The following KCTD8 variants were observed in gnomAD, a reference collection of about 807,000 sequenced individuals.
KCTD8 encodes potassium channel tetramerization domain containing 8.
In KCTD8, 27 loss-of-function variants were observed where a neutral mutation model predicts 31.5. That is an observed-to-expected ratio of 0.86 (90% CI 0.63 to 1.18). The LOEUF (loss-of-function observed/expected upper bound fraction) is 1.18. KCTD8 is among the 50% of genes most tolerant of loss of function. KCTD8 has a pLI of 0.00. For synonymous variants in KCTD8, 290 were observed against 280.0 expected, an observed-to-expected ratio of 1.04 and a Z score of -0.36; for missense variants, 658 against 647.7, an observed-to-expected ratio of 1.02 and a Z score of -0.17.
intron 1 of KCTD8, among the ~76,000 whole-genome samples, chr4:44,241,891 TTATTGCTATAATAATAAA>T (rs1271053984): frequency 5.9e-5 from 9 of 152,268 alleles, no homozygotes; most frequent in Non-Finnish European, 1.0e-4. Context: ...TGCCTGCTCT[TTATTGCTATAATAATAAA>T]TATTGCTATA....
At chr4:44,264,578 C>T (rs537313430) in intron 1 of KCTD8, among the ~76,000 whole-genome samples, 60 of 152,270 alleles carry the variant, frequency 3.9e-4, no homozygotes, top group Admixed American at 7.8e-4. Flanking sequence ...CGAAGCAAGG[C>T]GAGGCATTGC....
At chr4:44,191,000 C>G (rs1713748531) in intron 1 of KCTD8, among the ~76,000 whole-genome samples, 1 of 152,152 alleles carries the variant, frequency 6.6e-6, no homozygotes, top group Non-Finnish European at 1.5e-5. Context: ...AACTCTAACA[C>G]TTAATGCTGT....
chr4:44,301,311 G>C (rs1322800821), intron 1 of KCTD8, among the ~76,000 whole-genome samples: 7 of 152,210 alleles, frequency 4.6e-5, no homozygotes, highest in South Asian at 2.1e-4. Context: ...CACAATGGTT[G>C]AACTAGTTTA....
chr4:44,260,059 G>C (rs979920661), intron 1 of KCTD8, among the ~76,000 whole-genome samples: 5 of 151,664 alleles, frequency 3.3e-5, no homozygotes, highest in African/African-American at 1.2e-4. Context: ...ACAATGAATT[G>C]TATACTAGTC....
intron 1 of KCTD8, among the ~76,000 whole-genome samples, chr4:44,202,151 G>C (rs1284391343): frequency 1.3e-5 from 2 of 152,116 alleles, no homozygotes; most frequent in African/African-American, 4.8e-5. Flanking sequence ...AGATGCTAAT[G>C]AGGCTGTGGA....
intron 1 of KCTD8, among the ~76,000 whole-genome samples, chr4:44,365,804 AG>A (rs1180429509): frequency 6.6e-6 from 1 of 152,184 alleles, no homozygotes; most frequent in Non-Finnish European, 1.5e-5. Context: ...ACCGGCAAAA[AG>A]ATTTATGTAC....
intron 1 of KCTD8, among the ~76,000 whole-genome samples, chr4:44,269,060 C>T (rs894861055): frequency 5.0e-4 from 76 of 152,060 alleles, no homozygotes; most frequent in Non-Finnish European, 9.7e-4. Context: ...CATATGGAAC[C>T]AAAAAAGAGC....
chr4:44,211,027 T>C (rs1577832951), intron 1 of KCTD8, among the ~76,000 whole-genome samples: 1 of 152,212 alleles, frequency 6.6e-6, no homozygotes, highest in Non-Finnish European at 1.5e-5. Flanking sequence ...GTGTTATATT[T>C]GACAAGGAGC....
chr4:44,276,054 A>C (rs371230084), intron 1 of KCTD8, among the ~76,000 whole-genome samples: 3 of 152,152 alleles, frequency 2.0e-5, no homozygotes, highest in African/African-American at 7.2e-5. Flanking sequence ...TGGTCCCAAA[A>C]GAGTGGCATC....
At chr4:44,324,328 C>T (rs1718387130) in intron 1 of KCTD8, among the ~76,000 whole-genome samples, 1 of 151,992 alleles carries the variant, frequency 6.6e-6, no homozygotes, top group South Asian at 2.1e-4. Flanking sequence ...TTCCATACTT[C>T]ATTTTATGAC....
At chr4:44,394,707 G>A (rs994971396) in intron 1 of KCTD8, among the ~76,000 whole-genome samples, 14 of 151,806 alleles carry the variant, frequency 9.2e-5, no homozygotes, top group Non-Finnish European at 1.9e-4. Flanking sequence ...TTACATCTAG[G>A]GATTTTGCTT....
chr4:44,441,732 T>C (rs1180291188), intron 1 of KCTD8, among the ~76,000 whole-genome samples: 1 of 152,182 alleles, frequency 6.6e-6, no homozygotes, highest in Non-Finnish European at 1.5e-5. Context: ...GGAACTAATG[T>C]CAAGCTCAAG....
intron 1 of KCTD8, among the ~76,000 whole-genome samples, chr4:44,221,413 T>C (rs980340605): frequency 1.3e-5 from 2 of 151,860 alleles, no homozygotes; most frequent in African/African-American, 4.8e-5. Flanking sequence ...TAGTCAGGGT[T>C]CTCTAGAGGG....
At chr4:44,356,595 TGCCGAGTAGCTGGTA>T (rs1719349354) in intron 1 of KCTD8, among the ~76,000 whole-genome samples, 2 of 152,244 alleles carry the variant, frequency 1.3e-5, no homozygotes, top group East Asian at 3.9e-4. Context: ...TGCCTCAGCC[TGCCGAGTAGCTGGTA>T]GCCGAGTAGC....
chr4:44,225,855 C>T (rs561733506), intron 1 of KCTD8, among the ~76,000 whole-genome samples: 2 of 121,130 alleles, frequency 1.7e-5, no homozygotes, highest in Admixed American at 2.1e-4. Flanking sequence ...GAGTCTTGCT[C>T]TGTCGCCCAG....
chr4:44,250,873 C>T (rs1486831181), intron 1 of KCTD8, among the ~76,000 whole-genome samples: 1 of 151,672 alleles, frequency 6.6e-6, no homozygotes, highest in Non-Finnish European at 1.5e-5. Flanking sequence ...TTTTCATTTA[C>T]TTAGTGTGTC....
At chr4:44,203,071 G>GA (rs765907919) in intron 1 of KCTD8, among the ~76,000 whole-genome samples, 5 of 152,094 alleles carry the variant, frequency 3.3e-5, no homozygotes, top group Non-Finnish European at 7.4e-5. Flanking sequence ...TTATGTCAAT[G>GA]AAAGACTTTA....
chr4:44,273,760 A>G (rs1018712313), intron 1 of KCTD8, among the ~76,000 whole-genome samples: 5 of 151,948 alleles, frequency 3.3e-5, no homozygotes, highest in African/African-American at 1.2e-4. Context: ...AGTTAAGCCA[A>G]ATAATCTGGA....
At chr4:44,301,790 C>A (rs1392599838) in intron 1 of KCTD8, among the ~76,000 whole-genome samples, 1 of 152,136 alleles carries the variant, frequency 6.6e-6, no homozygotes, top group Non-Finnish European at 1.5e-5. Context: ...GAAGTCCTTG[C>A]CCATGCCTAT....
Sources: gnomAD v4.1 joint callset for allele counts (sites outside exome capture counted in the v4.1 genomes callset) on GRCh38, gnomAD v4.1.1 for gene constraint, MANE v1.5 for transcripts, NCBI Gene and HGNC (gene_info 2026-07-23, HGNC 2026-07-21) for gene names.